Variants in NT5M observed in about 807,000 individuals in gnomAD.
NT5M encodes 5'(3')-deoxyribonucleotidase, mitochondrial.
NT5M carries 22 observed loss-of-function variants against 22.2 expected under a neutral mutation model. The ratio of observed to expected loss-of-function variants is 0.99; its 90% CI spans 0.71 to 1.41. The LOEUF is 1.41. Among genes scored for constraint, NT5M ranks in the 40% most tolerant of loss-of-function variants. NT5M has a pLI of 0.00. For missense variants in NT5M, 322 were observed against 314.8 expected, an observed-to-expected ratio of 1.02 and a Z score of -0.17; for synonymous variants, 167 against 133.0, an observed-to-expected ratio of 1.26 and a Z score of -1.76.
rs1016946526 is a variant in NT5M, at chr17:17,303,502, A to G, written c.-49A>G. The G allele has an allele frequency of 6.9e-6, 7 of 1,021,510 alleles. No individual in the cohort carries two copies. The highest frequency in any genetic ancestry group is 8.2e-6 in the Non-Finnish European group (7 of 854,898). 63.3% of individuals were successfully genotyped at this position (1,021,510 alleles called of 1,614,324 possible). On this transcript the variant is annotated 5_prime_UTR_variant, in exon 1 of 5. Transcript: ENST00000389022. ...GGAATGTCTGGCCGGCTCCGGCAGC[A>G]CGGCGCGGCCCAGGTCCCCGCGCCC...
At chr17:17,343,834 C>G (rs775642135) in intron 3 of NT5M, among the ~76,000 whole-genome samples, 54 of 152,158 alleles carry the variant, frequency 3.5e-4, no homozygotes, top group Non-Finnish European at 5.4e-4. Context: ...TTGCCAGTGT[C>G]AGAAATCAAC....
intron 2 of NT5M, among the ~76,000 whole-genome samples, chr17:17,312,922 A>G (rs1389322615): frequency 6.6e-6 from 1 of 152,042 alleles, no homozygotes; most frequent in Non-Finnish European, 1.5e-5. Flanking sequence ...GCAGTGAGCT[A>G]TGATCACGCC....
intron 3 of NT5M, among the ~76,000 whole-genome samples, chr17:17,325,153 A>G (rs2049239108): frequency 1.3e-5 from 2 of 152,080 alleles, no homozygotes; most frequent in African/African-American, 4.8e-5. Context: ...GCGGGACTGG[A>G]GTCACTATTT....
chr17:17,311,080 T>C (rs2048913343), intron 2 of NT5M, among the ~76,000 whole-genome samples: 1 of 152,172 alleles, frequency 6.6e-6, no homozygotes, highest in South Asian at 2.1e-4. Flanking sequence ...CTCACGCTTG[T>C]AATCCCAGCA....
chr17:17,341,348 A>G (rs923041532), intron 3 of NT5M, among the ~76,000 whole-genome samples: 1 of 152,184 alleles, frequency 6.6e-6, no homozygotes, highest in Non-Finnish European at 1.5e-5. Flanking sequence ...TACCAGCAAC[A>G]CTGTGAGGAA....
Position 17,314,191 on chromosome 17 carries a change from G to A in NT5M, c.368+7548G>A, listed in dbSNP as rs556816545. 7.9e-5 allele frequency among the ~76,000 whole-genome samples: 12 copies of A among 151,996 alleles called. No homozygotes were observed. The East Asian group carries it at 1.7e-3, about 22-fold the overall frequency. ...TGGGATTACGGGCGCCCGCCACCAC[G>A]CCCGGCTAATTTTTTGTATTTTTAG... is the stretch of plus-strand genomic sequence containing the variant. On this transcript the variant is annotated intron_variant, in intron 2 of 4. Transcript: ENST00000389022.
chr17:17,326,153 C>G (rs898914247), intron 3 of NT5M, among the ~76,000 whole-genome samples: 1 of 152,228 alleles, frequency 6.6e-6, no homozygotes, highest in African/African-American at 2.4e-5. Flanking sequence ...ACCTTTGATA[C>G]GCCAGGCAAT....
At chr17:17,332,230 A>G (rs2049403853) in intron 3 of NT5M, among the ~76,000 whole-genome samples, 1 of 152,100 alleles carries the variant, frequency 6.6e-6, no homozygotes, top group Admixed American at 6.6e-5. Context: ...GACTGTGTCT[A>G]GCTCATAGAT....
At chr17:17,311,850 C>T (rs922375247) in intron 2 of NT5M, among the ~76,000 whole-genome samples, 1 of 152,224 alleles carries the variant, frequency 6.6e-6, no homozygotes. Flanking sequence ...TATCGTGTTC[C>T]TGTAGCAGGA....
intron 2 of NT5M, among the ~76,000 whole-genome samples, chr17:17,310,574 G>A (rs1216497391): frequency 6.6e-6 from 1 of 152,016 alleles, no homozygotes; most frequent in Non-Finnish European, 1.5e-5. Flanking sequence ...TGGTGGCTTA[G>A]GCCTGTAATC....
At position 17,327,810 on chromosome 17, in the gene NT5M, C is replaced by T. The variant is rs953548304; in HGVS notation, c.429+4565C>T. On this transcript the variant is annotated intron_variant, in intron 3 of 4. Coordinates refer to ENST00000389022, the MANE Select transcript of NT5M (RefSeq NM_020201.4). The stretch of plus-strand genomic sequence containing the variant: ...GATTACAGGCGTGAGCCACCACGCC[C>T]GGCCAATTTTTTTGTATTTTTAATA... Among the ~76,000 whole-genome samples the T allele has an allele frequency of 4.7e-5, 5 of 105,306 alleles. 1 individual carries two copies. The highest frequency in any genetic ancestry group is 6.2e-4 in the South Asian group (2 of 3,244). 69.1% of individuals were successfully genotyped at this position (105,306 alleles called of 152,430 possible). A position where few individuals can be genotyped will look rare whatever the true frequency, so the allele number is the denominator to read the frequency against.
chr17:17,336,598 T>G (rs1299702151), intron 3 of NT5M, among the ~76,000 whole-genome samples: 1 of 151,252 alleles, frequency 6.6e-6, no homozygotes, highest in Non-Finnish European at 1.5e-5. Flanking sequence ...TCACCCAGGC[T>G]TGAGTGCAGT....
chr17:17,318,125 TGATG>T (rs978138223), intron 2 of NT5M, among the ~76,000 whole-genome samples: 4 of 151,906 alleles, frequency 2.6e-5, no homozygotes, highest in Non-Finnish European at 4.4e-5. Flanking sequence ...ATCCACTAAG[TGATG>T]GATGGATATT....
chr17:17,328,966 T>C (rs1305499098), intron 3 of NT5M, among the ~76,000 whole-genome samples: 1 of 152,104 alleles, frequency 6.6e-6, no homozygotes, highest in Non-Finnish European at 1.5e-5. Flanking sequence ...CCCTACAAAA[T>C]AGGTATTTCT....
intron 3 of NT5M, among the ~76,000 whole-genome samples, chr17:17,343,600 G>C (rs1423644951): frequency 6.6e-6 from 1 of 152,140 alleles, no homozygotes; most frequent in Non-Finnish European, 1.5e-5. Flanking sequence ...CATACACAGG[G>C]AAAAACGGAG....
At chr17:17,306,490 G>T in intron 1 of NT5M, 53 bp from the exon 2 acceptor site, 1 of 1,244,710 alleles carries the variant, frequency 8.0e-7, no homozygotes, top group South Asian at 1.2e-5. Context: ...CCAAGATGAG[G>T]GCAGTAAGGT....
intron 1 of NT5M, chr17:17,304,018 A>G (rs1276875346): frequency 4.1e-6 from 5 of 1,227,936 alleles, no homozygotes; most frequent in Admixed American, 4.2e-5. Context: ...CTGCCATCCA[A>G]GGTTTCTGAA....
At position 17,303,531 on chromosome 17, in the gene NT5M, A is replaced by G. The variant is rs2048724488; in HGVS notation, c.-20A>G. 1.9e-6 allele frequency: 2 copies of G among 1,041,398 alleles called. No individual in the cohort carries two copies. The highest frequency in any genetic ancestry group is 8.8e-5 in the South Asian group (2 of 22,688). 64.5% of individuals were successfully genotyped at this position (1,041,398 alleles called of 1,614,324 possible). ...CGCGGCCCAGGTCCCCGCGCCCACG[A>G]CGGGCCAGCGCGCTGGGCCATGATC... is the stretch of plus-strand genomic sequence containing the variant. On this transcript the variant is annotated 5_prime_UTR_variant, in exon 1 of 5. Coordinates refer to ENST00000389022, the MANE Select transcript of NT5M (RefSeq NM_020201.4).
chr17:17,307,660 A>G (rs2048833706), intron 2 of NT5M, among the ~76,000 whole-genome samples: 1 of 151,718 alleles, frequency 6.6e-6, no homozygotes, highest in Non-Finnish European at 1.5e-5. Flanking sequence ...GTTTGAGACC[A>G]GCCTGCGTAG....
Sources: allele counts gnomAD v4.1 joint callset (sites outside exome capture counted in the v4.1 genomes callset), GRCh38; gene constraint gnomAD v4.1.1; transcripts MANE v1.5; gene names NCBI Gene and HGNC (gene_info 2026-07-23, HGNC 2026-07-21).